The following ARHGAP6 variants were observed in gnomAD, a reference collection of about 807,000 sequenced individuals.
ARHGAP6 encodes the protein rho GTPase-activating protein 6.
ARHGAP6 carries 16 observed loss-of-function variants against 55.7 expected under a neutral mutation model. The observed-to-expected ratio is 0.29, with a 90% confidence interval of 0.19 to 0.44. The LOEUF is 0.44. ARHGAP6 is among the 20% of genes least tolerant of loss of function. ARHGAP6 has a pLI of 1.00. For missense variants in ARHGAP6, 698 were observed against 808.9 expected (o/e 0.86, Z 1.66); for synonymous variants, 382 against 360.9 (o/e 1.06, Z -0.66).
At chrX:11,252,238 ATATCT>A (rs998818543) in intron 2 of ARHGAP6, among the ~76,000 whole-genome samples, 1 of 112,963 alleles carries the variant, frequency 8.9e-6, no homozygotes, top group Non-Finnish European at 1.9e-5. Flanking sequence ...CTGTTCCCTG[ATATCT>A]TATCTGATGT....
intron 1 of ARHGAP6, among the ~76,000 whole-genome samples, chrX:11,626,206 T>G (rs1367784146): frequency 1.8e-5 from 2 of 111,555 alleles, no homozygotes; most frequent in Admixed American, 9.5e-5. Flanking sequence ...ATAATAAATT[T>G]CAAAACTTGG....
intron 1 of ARHGAP6, among the ~76,000 whole-genome samples, chrX:11,590,984 C>T (rs1359678943): frequency 9.3e-6 from 1 of 107,981 alleles, no homozygotes; most frequent in Non-Finnish European, 1.9e-5. Flanking sequence ...GGCTCAGTGG[C>T]TCACGCCTGT....
rs750307424 is a variant in ARHGAP6, at chrX:11,551,806, T to C, written c.588+112435A>G. Among the ~76,000 whole-genome samples the C allele has an allele frequency of 1.3e-4, 14 of 111,761 alleles. 1 individual carries two copies. The East Asian group carries it at 3.9e-3, about 31-fold the overall frequency. Reference sequence around the variant, plus strand: ...CTACAAGCTAAATGATGCCAAAGATTGCCAGCAAACCATTAAAACTAGGAG... The same window carrying C: ...CTACAAGCTAAATGATGCCAAAGATCGCCAGCAAACCATTAAAACTAGGAG... On this transcript the variant is annotated intron_variant, in intron 1 of 12. Coordinates refer to ENST00000337414, the MANE Select transcript of ARHGAP6 (RefSeq NM_013427.3).
At chrX:11,297,545 C>T (rs1297003263) in intron 1 of ARHGAP6, among the ~76,000 whole-genome samples, 5 of 111,846 alleles carry the variant, frequency 4.5e-5, no homozygotes, top group Non-Finnish European at 5.6e-5. Flanking sequence ...GATTAAATGC[C>T]GTATTACTAT....
intron 1 of ARHGAP6, among the ~76,000 whole-genome samples, chrX:11,572,543 A>G (rs1264498347): frequency 2.7e-5 from 3 of 111,639 alleles, no homozygotes; most frequent in African/African-American, 9.8e-5. Context: ...GCTGCATAGT[A>G]TTCCATGGTG....
intron 9 of ARHGAP6, 74 bp from the exon 10 acceptor site, chrX:11,156,700 A>G (rs1569234048): frequency 1.2e-6 from 1 of 806,483 alleles, no homozygotes; most frequent in East Asian, 3.3e-5. Flanking sequence ...TGACAATTTT[A>G]CTGTAGCACA....
intron 2 of ARHGAP6, among the ~76,000 whole-genome samples, chrX:11,221,772 G>A (rs751172633): frequency 7.2e-5 from 8 of 111,315 alleles, no homozygotes; most frequent in African/African-American, 2.0e-4. Flanking sequence ...GATAAATTGC[G>A]TGTCACAGTG....
At chrX:11,572,253 A>G (rs1056971972) in intron 1 of ARHGAP6, among the ~76,000 whole-genome samples, 3 of 110,262 alleles carry the variant, frequency 2.7e-5, no homozygotes, top group African/African-American at 9.9e-5. Context: ...TTAGTTACAT[A>G]TGTATACATG....
intron 2 of ARHGAP6, among the ~76,000 whole-genome samples, chrX:11,203,857 C>G (rs1422894963): frequency 8.9e-6 from 1 of 111,957 alleles, no homozygotes; most frequent in Non-Finnish European, 1.9e-5. Flanking sequence ...CATCTACGCT[C>G]AAGTCTGAAT....
intron 1 of ARHGAP6, among the ~76,000 whole-genome samples, chrX:11,436,596 G>A (rs1161092489): frequency 8.9e-6 from 1 of 111,850 alleles, no homozygotes; most frequent in Non-Finnish European, 1.9e-5. Context: ...ATATGTTTAT[G>A]GTAGAATTAT....
chrX:11,222,681 C>T (rs1182187245), intron 2 of ARHGAP6, among the ~76,000 whole-genome samples: 1 of 111,745 alleles, frequency 8.9e-6, no homozygotes, highest in Non-Finnish European at 1.9e-5. Context: ...TATTAAAATA[C>T]AGTTAATAGC....
At chrX:11,432,490 G>A in intron 1 of ARHGAP6, among the ~76,000 whole-genome samples, 1 of 112,040 alleles carries the variant, frequency 8.9e-6, no homozygotes, top group East Asian at 2.8e-4. Flanking sequence ...TGGGTCATAG[G>A]CATGCATATC....
intron 1 of ARHGAP6, among the ~76,000 whole-genome samples, chrX:11,269,229 G>A (rs774445716): frequency 1.3e-4 from 15 of 111,415 alleles, no homozygotes; most frequent in African/African-American, 4.2e-4. Context: ...GAGCCCTTGC[G>A]CTTGAAACTC....
At chrX:11,293,260 C>T (rs1310825325) in intron 1 of ARHGAP6, among the ~76,000 whole-genome samples, 1 of 112,415 alleles carries the variant, frequency 8.9e-6, no homozygotes, top group Admixed American at 9.4e-5. Context: ...ATGCACTAAT[C>T]ACAACATACA....
chrX:11,521,025 T>G (rs1287578212), intron 1 of ARHGAP6, among the ~76,000 whole-genome samples: 1 of 112,021 alleles, frequency 8.9e-6, no homozygotes, highest in Non-Finnish European at 1.9e-5. Context: ...TTCTTGTAAA[T>G]TTGTTTGAGT....
At chrX:11,412,566 A>G (rs1391540882) in intron 1 of ARHGAP6, among the ~76,000 whole-genome samples, 1 of 112,286 alleles carries the variant, frequency 8.9e-6, no homozygotes, top group Non-Finnish European at 1.9e-5. Context: ...TTTCATAGCA[A>G]CATGATTATA....
chrX:11,154,370 C>T (rs1486143926), intron 10 of ARHGAP6, among the ~76,000 whole-genome samples: 1 of 112,038 alleles, frequency 8.9e-6, no homozygotes, highest in Admixed American at 9.5e-5. Context: ...AATTGTACAG[C>T]TTGGAATGGG....
chrX:11,539,060 T>C (rs976189867), intron 1 of ARHGAP6, among the ~76,000 whole-genome samples: 8 of 110,836 alleles, frequency 7.2e-5, no homozygotes, highest in African/African-American at 2.6e-4. Flanking sequence ...TTTCTCCATA[T>C]TGGCCAGGCT....
intron 1 of ARHGAP6, among the ~76,000 whole-genome samples, chrX:11,516,567 T>A (rs5933895): frequency 0.12 from 12,972 of 111,769 alleles, 761 homozygotes; most frequent in African/African-American, 0.21. Flanking sequence ...ACATTTACTG[T>A]GCATTCTATT....
Sources: allele counts gnomAD v4.1 joint callset (sites outside exome capture counted in the v4.1 genomes callset), GRCh38; gene constraint gnomAD v4.1.1; transcripts MANE v1.5; gene names NCBI Gene and HGNC (gene_info 2026-07-23, HGNC 2026-07-21).